Variants in VTA1 observed in about 807,000 individuals in gnomAD.
VTA1 encodes vacuolar protein sorting-associated protein VTA1 homolog.
Under a neutral mutation model 36.9 loss-of-function variants are expected in VTA1, and 24 were observed. That is an observed-to-expected ratio of 0.65 (90% CI 0.47 to 0.91). The LOEUF is 0.91. Ranked by LOEUF, VTA1 falls within the 40% of genes least tolerant of loss-of-function variation. The probability of loss-of-function intolerance (pLI) is 0.00; values close to 1 mark genes in which losing one functional copy is unlikely to be tolerated. For synonymous variants in VTA1, 142 were observed against 130.2 expected (o/e 1.09, Z -0.62); for missense variants, 393 against 377.2 (o/e 1.04, Z -0.35).
intron 7 of VTA1, among the ~76,000 whole-genome samples, chr6:142,210,419 T>A (rs1775881413): frequency 6.6e-6 from 1 of 152,088 alleles, no homozygotes; most frequent in Non-Finnish European, 1.5e-5. Flanking sequence ...AAAGCAAAAA[T>A]GGCCAAATGG....
chr6:142,216,008 T>G (rs908628431), intron 7 of VTA1, among the ~76,000 whole-genome samples: 22 of 152,186 alleles, frequency 1.4e-4, no homozygotes, highest in African/African-American at 5.3e-4. Flanking sequence ...CTGTAACTTA[T>G]AAGCTAAGAT....
intron 5 of VTA1, among the ~76,000 whole-genome samples, chr6:142,195,946 A>G (rs985932796): frequency 2.6e-5 from 4 of 152,122 alleles, no homozygotes; most frequent in South Asian, 2.1e-4. Context: ...ATGGCCCAGC[A>G]TATGATCTGT....
Position 142,218,636 on chromosome 6 carries a change from G to T in VTA1, c.917G>T (p.Arg306Ile). The change falls in exon 8 of 8, where the codon AGA becomes ATA. Residue 306 changes from arginine to isoleucine, a missense_variant. Arg to Ile is a moderately conservative substitution (Grantham distance 97). Coordinates refer to ENST00000367630, the MANE Select transcript of VTA1 (RefSeq NM_016485.5). ...GCTCTCAAGTTACTGACGACAGGCA[G>T]AGAATGAAGCCTTTGTATGACAGAC... ...QKALKLLTTG[R>I]E 1 of 1,609,768 alleles carries T rather than the reference G, an allele frequency of 6.2e-7. No homozygotes were observed. Among genetic ancestry groups the T allele is most frequent in the South Asian group, 1.1e-5 (1 of 89,862 alleles).
intron 4 of VTA1, among the ~76,000 whole-genome samples, chr6:142,175,071 G>C (rs1775094454): frequency 6.6e-6 from 1 of 152,144 alleles, no homozygotes; most frequent in African/African-American, 2.4e-5. Flanking sequence ...AGCCTTCTGT[G>C]TGATATCTGT....
intron 7 of VTA1, among the ~76,000 whole-genome samples, chr6:142,211,804 C>T (rs775743857): frequency 6.6e-6 from 1 of 151,130 alleles, no homozygotes; most frequent in South Asian, 2.1e-4. Context: ...ACAAAATATA[C>T]GTAGAACTCC....
At chr6:142,153,111 T>C (rs1778598356) in intron 1 of VTA1, among the ~76,000 whole-genome samples, 1 of 152,146 alleles carries the variant, frequency 6.6e-6, no homozygotes, top group African/African-American at 2.4e-5. Context: ...ACAGGGATTA[T>C]CTTTTTCTTT....
chr6:142,174,154 C>T (rs1404372412), intron 4 of VTA1, among the ~76,000 whole-genome samples: 1 of 152,160 alleles, frequency 6.6e-6, no homozygotes, highest in African/African-American at 2.4e-5. Context: ...GAGCCACTGG[C>T]AGCTTGCACC....
intron 3 of VTA1, among the ~76,000 whole-genome samples, 171 bp downstream of exon 3, chr6:142,169,848 A>C (rs1165794520): frequency 6.6e-6 from 1 of 152,150 alleles, no homozygotes; most frequent in Non-Finnish European, 1.5e-5. Flanking sequence ...CCTTTCTCTT[A>C]TAAGAAAATG....
chr6:142,207,660 G>A (rs947011844), intron 7 of VTA1, among the ~76,000 whole-genome samples: 1 of 152,084 alleles, frequency 6.6e-6, no homozygotes, highest in African/African-American at 2.4e-5. Flanking sequence ...GCAAATATAT[G>A]CAATAAAAAC....
chr6:142,183,837 G>A (rs984980010), intron 4 of VTA1, among the ~76,000 whole-genome samples: 2 of 152,124 alleles, frequency 1.3e-5, no homozygotes, highest in African/African-American at 4.8e-5. Context: ...TTTGGAAACA[G>A]GATGAAATAA....
At chr6:142,153,877 A>G (rs759995569) in intron 1 of VTA1, among the ~76,000 whole-genome samples, 20 of 152,264 alleles carry the variant, frequency 1.3e-4, no homozygotes, top group African/African-American at 4.3e-4. Flanking sequence ...GTTGTAAGAA[A>G]TATTACAGAG....
At chr6:142,218,457 T>C in intron 7 of VTA1, 41 bp from the exon 8 acceptor site, 1 of 1,601,916 alleles carries the variant, frequency 6.2e-7, no homozygotes, top group Non-Finnish European at 8.5e-7. Flanking sequence ...AGAACACTTT[T>C]TATATTCTTA....
intron 6 of VTA1, among the ~76,000 whole-genome samples, chr6:142,200,348 A>C (rs1282197784): frequency 6.6e-6 from 1 of 151,958 alleles, no homozygotes; most frequent in Non-Finnish European, 1.5e-5. Context: ...CAAGGTATTT[A>C]ATGGCAAGTT....
At chr6:142,206,520 C>G (rs1374635896) in intron 7 of VTA1, among the ~76,000 whole-genome samples, 1 of 152,072 alleles carries the variant, frequency 6.6e-6, no homozygotes, top group Non-Finnish European at 1.5e-5. Flanking sequence ...TTAGTTCTTC[C>G]CAGCTTGGTC....
At chr6:142,208,833 G>T (rs75435423) in intron 7 of VTA1, among the ~76,000 whole-genome samples, 180 of 152,280 alleles carry the variant, frequency 1.2e-3, no homozygotes, top group African/African-American at 4.1e-3. Context: ...ATGAAGGAAA[G>T]ATATAGTCTT....
intron 1 of VTA1, among the ~76,000 whole-genome samples, chr6:142,154,175 A>G (rs2114629477): frequency 6.6e-6 from 1 of 152,066 alleles, no homozygotes; most frequent in Non-Finnish European, 1.5e-5. Flanking sequence ...CCTCACCCCC[A>G]TCCCCTGGTA....
At chr6:142,181,094 A>AAAAAAAATATATATATATATATAT (rs1471429927) in intron 4 of VTA1, among the ~76,000 whole-genome samples, 1 of 36,420 alleles carries the variant, frequency 2.7e-5, no homozygotes, top group Non-Finnish European at 5.8e-5. Context: ...AAAAAAAAAA[A>AAAAAAAATATATATATATATATAT]ATATATATAT....
chr6:142,169,239 A>G (rs1484426252), intron 2 of VTA1, among the ~76,000 whole-genome samples: 3 of 152,168 alleles, frequency 2.0e-5, no homozygotes, highest in South Asian at 4.1e-4. Context: ...TGATTTTGAA[A>G]TATTTGATGC....
intron 1 of VTA1, among the ~76,000 whole-genome samples, chr6:142,162,008 A>T (rs1376803534): frequency 6.6e-6 from 1 of 152,226 alleles, no homozygotes. Context: ...TAAAGATATT[A>T]CCATATAATA....
Sources: allele counts gnomAD v4.1 joint callset (sites outside exome capture counted in the v4.1 genomes callset), GRCh38; gene constraint gnomAD v4.1.1; transcripts MANE v1.5; gene names NCBI Gene and HGNC (gene_info 2026-07-23, HGNC 2026-07-21).